The following FBXO34 variants were observed in gnomAD, a reference collection of about 807,000 sequenced individuals.
The protein encoded by FBXO34 is F-box only protein 34.
Under a neutral mutation model 24.5 loss-of-function variants are expected in FBXO34, and 12 were observed. That is an observed-to-expected ratio of 0.49 (90% CI 0.31 to 0.79). The LOEUF (loss-of-function observed/expected upper bound fraction) is 0.79, where lower values mean the gene tolerates loss of function less well. Ranked by LOEUF, FBXO34 falls within the 30% of genes least tolerant of loss-of-function variation. The probability of loss-of-function intolerance (pLI) is 0.04; values close to 1 mark genes in which losing one functional copy is unlikely to be tolerated. For synonymous variants in FBXO34, 320 were observed against 311.9 expected (o/e 1.03, Z -0.27); for missense variants, 823 against 857.7 (o/e 0.96, Z 0.51).
intron 1 of FBXO34, among the ~76,000 whole-genome samples, chr14:55,312,171 G>T (rs1189484099): frequency 6.6e-6 from 1 of 152,010 alleles, no homozygotes; most frequent in Non-Finnish European, 1.5e-5. Context: ...CTGCACTCCA[G>T]CCTGGGAGAC....
the FBXO34 span, chr14:55,435,862 T>C: frequency 6.4e-7 from 1 of 1,569,024 alleles, no homozygotes; most frequent in Non-Finnish European, 8.6e-7. Context: ...GGTTATATTC[T>C]GCATTTTTTG....
chr14:55,380,249 AAAC>A, the FBXO34 span, among the ~76,000 whole-genome samples: 60 of 150,610 alleles, frequency 4.0e-4, no homozygotes, highest in Middle Eastern at 3.4e-3. Context: ...CTCTGTCTCA[AAAC>A]AACAACAACA....
At chr14:55,440,471 G>A in the FBXO34 span, 61 of 1,611,856 alleles carry the variant, frequency 3.8e-5, no homozygotes, top group Non-Finnish European at 5.2e-5. Flanking sequence ...CCACTGTTGG[G>A]GGTGGGGGCG....
intron 1 of FBXO34, chr14:55,318,335 T>C (rs1397626461): frequency 2.5e-3 from 12 of 4,784 alleles, no homozygotes; most frequent in Non-Finnish European, 3.8e-3. Context: ...TTGCAAGTCA[T>C]ATATATATAT....
At chr14:55,359,816 C>T (rs1321212619) in intron 3 of FBXO34, among the ~76,000 whole-genome samples, 3 of 151,412 alleles carry the variant, frequency 2.0e-5, no homozygotes, top group African/African-American at 7.3e-5. Flanking sequence ...ATTTCAGTTT[C>T]TGCCAGTAAT....
chr14:55,291,526 C>A (rs781570327), intron 1 of FBXO34, among the ~76,000 whole-genome samples: 12 of 152,120 alleles, frequency 7.9e-5, no homozygotes, highest in Non-Finnish European at 1.5e-4. Flanking sequence ...ATAATGTATT[C>A]TTTAGGAGTT....
At chr14:55,411,609 G>C in the FBXO34 span, 12 of 1,607,870 alleles carry the variant, frequency 7.5e-6, no homozygotes, top group East Asian at 1.8e-4. Flanking sequence ...TACCTCTCCC[G>C]GTCGCGGCCG....
intron 1 of FBXO34, among the ~76,000 whole-genome samples, chr14:55,302,446 C>CTTTT (rs199946477): frequency 6.9e-5 from 9 of 129,668 alleles, no homozygotes; most frequent in South Asian, 2.4e-4. Context: ...TCTGTAGCCT[C>CTTTT]TTTTTTGTTT....
the FBXO34 span, among the ~76,000 whole-genome samples, chr14:55,414,628 C>T: frequency 1.3e-5 from 2 of 152,148 alleles, no homozygotes; most frequent in Non-Finnish European, 2.9e-5. Context: ...AGCCATATTT[C>T]CACAAGACAG....
intron 1 of FBXO34, among the ~76,000 whole-genome samples, chr14:55,304,974 G>A (rs183464378): frequency 1.9e-4 from 29 of 152,236 alleles, no homozygotes; most frequent in African/African-American, 7.0e-4. Flanking sequence ...GAGTACATTA[G>A]GGCAGGAGTT....
chr14:55,435,883 T>A, the FBXO34 span: 29 of 1,575,018 alleles, frequency 1.8e-5, no homozygotes, highest in South Asian at 3.5e-4. Flanking sequence ...CATGCAAAGC[T>A]ATTTTCTTCA....
intron 1 of FBXO34, among the ~76,000 whole-genome samples, chr14:55,285,046 A>C (rs1000697553): frequency 2.0e-5 from 3 of 150,090 alleles, no homozygotes; most frequent in African/African-American, 2.4e-5. Context: ...AAAAAAAAAA[A>C]AAAACTGCAA....
intron 1 of FBXO34, chr14:55,335,551 C>G (rs781602541): frequency 7.9e-5 from 12 of 152,154 alleles, no homozygotes; most frequent in Non-Finnish European, 1.5e-4. Context: ...AACCTCTGTA[C>G]AACCAATTTG....
At chr14:55,283,013 G>A (rs768338511) in intron 1 of FBXO34, among the ~76,000 whole-genome samples, 20 of 152,170 alleles carry the variant, frequency 1.3e-4, no homozygotes, top group Non-Finnish European at 2.2e-4. Context: ...TCTGGAGGTT[G>A]TCAGTACTTT....
the FBXO34 span, among the ~76,000 whole-genome samples, chr14:55,431,888 A>G: frequency 1.3e-5 from 2 of 152,244 alleles, no homozygotes; most frequent in African/African-American, 4.8e-5. Flanking sequence ...TGCATTAAAC[A>G]GTGCAGATAT....
At chr14:55,363,415 C>A (rs561241601), downstream of FBXO34, among the ~76,000 whole-genome samples, 66 of 152,162 alleles carry the variant, frequency 4.3e-4, 1 homozygote, top group African/African-American at 1.5e-3. Context: ...GCAACCTCAG[C>A]CTCGCAGGTT....
At chr14:55,439,617 C>CCCCCCGCCCCG in the FBXO34 span, among the ~76,000 whole-genome samples, 4 of 72,628 alleles carry the variant, frequency 5.5e-5, no homozygotes, top group Non-Finnish European at 8.9e-5. Context: ...AAAGCAAACC[C>CCCCCCGCCCCG]CCCCCCGTCT....
At chr14:55,388,320 G>T in the FBXO34 span, among the ~76,000 whole-genome samples, 1 of 152,330 alleles carries the variant, frequency 6.6e-6, no homozygotes, top group Non-Finnish European at 1.5e-5. Flanking sequence ...TCTGGGGGAA[G>T]ATCCATTTCA....
the FBXO34 span, among the ~76,000 whole-genome samples, chr14:55,429,766 C>CAAAAAAAAAAAAAAAAAAA: frequency 7.6e-5 from 4 of 52,380 alleles, no homozygotes; most frequent in Admixed American, 2.6e-4. Flanking sequence ...AACTCCGTCT[C>CAAAAAAAAAAAAAAAAAAA]AAAAAAAAAA....
Sources: gnomAD v4.1 joint callset for allele counts (sites outside exome capture counted in the v4.1 genomes callset) on GRCh38, gnomAD v4.1.1 for gene constraint, MANE v1.5 for transcripts, NCBI Gene and HGNC (gene_info 2026-07-23, HGNC 2026-07-21) for gene names.